MPP7: variants seen among roughly 807,000 people sequenced by gnomAD.
MPP7 encodes the protein MAGUK p55 subfamily member 7.
Under a neutral mutation model 76.5 loss-of-function variants are expected in MPP7, and 60 were observed. The ratio of observed to expected loss-of-function variants is 0.78; its 90% CI spans 0.64 to 0.97. MPP7 has a LOEUF of 0.97. Among genes scored for constraint, MPP7 ranks in the 50% least tolerant of loss-of-function variants. The pLI, the probability that MPP7 is intolerant of heterozygous loss-of-function variation, is 0.00. For missense variants in MPP7, 641 were observed against 694.0 expected, an observed-to-expected ratio of 0.92 and a Z score of 0.86; for synonymous variants, 237 against 244.5, an observed-to-expected ratio of 0.97 and a Z score of 0.29.
chr10:28,285,188 CCTTTT>C (rs1184408560), intron 1 of MPP7, among the ~76,000 whole-genome samples: 2 of 152,092 alleles, frequency 1.3e-5, no homozygotes, highest in African/African-American at 4.8e-5. Flanking sequence ...ATTTAACCTA[CCTTTT>C]CTTTTTTTGA....
At chr10:28,330,081 C>T (rs1834457750) in intron 1 of MPP7, 1 of 133,356 alleles carries the variant, frequency 7.5e-6, no homozygotes, top group Non-Finnish European at 1.6e-5. Context: ...CACATAGCAT[C>T]TACCAAACAC....
At chr10:28,303,438 G>C (rs1043022869), upstream of MPP7, 3 of 152,208 alleles carry the variant, frequency 2.0e-5, no homozygotes, top group African/African-American at 7.2e-5. Flanking sequence ...TTCTTAAGCC[G>C]CTGCGATTCT....
intron 3 of MPP7, among the ~76,000 whole-genome samples, chr10:28,185,105 G>A (rs1166412136): frequency 6.8e-6 from 1 of 147,824 alleles, no homozygotes. Flanking sequence ...GAGGCAGGTG[G>A]ATCACTTAAG....
At chr10:28,258,477 G>A (rs1042954257) in intron 1 of MPP7, among the ~76,000 whole-genome samples, 3 of 149,644 alleles carry the variant, frequency 2.0e-5, no homozygotes, top group South Asian at 2.1e-4. Context: ...TCAGCTCACT[G>A]AAACCTCAGC....
intron 11 of MPP7, chr10:28,118,518 A>T (rs1234546076): frequency 1.0e-6 from 1 of 985,222 alleles, no homozygotes; most frequent in Non-Finnish European, 1.2e-6. Flanking sequence ...AGAGCCAGTC[A>T]GGCAAGGAGC....
Position 28,100,005 on chromosome 10 carries a change from T to C in MPP7, c.953-10164A>G, listed in dbSNP as rs182826800. Among the ~76,000 whole-genome samples, 395 of 151,940 alleles carry C rather than the reference T, an allele frequency of 2.6e-3. 8 individuals carry two copies. The highest frequency in any genetic ancestry group is 0.024 in the Admixed American group (361 of 15,260). ...TTTTTTAAAATCATTGTATGAGTTA[T>C]TTTTTGCATCTTAAAAATCGGATTC... On this transcript the variant is annotated intron_variant, in intron 11 of 16. Coordinates refer to ENST00000683449, the MANE Select transcript of MPP7 (RefSeq NM_001318170.2).
chr10:28,228,692 C>T (rs1838778428), intron 2 of MPP7, among the ~76,000 whole-genome samples: 1 of 151,808 alleles, frequency 6.6e-6, no homozygotes, highest in Admixed American at 6.6e-5. Flanking sequence ...ACCCAAGAAG[C>T]AGAGGTTGCA....
chr10:28,283,287 T>C (rs1467384835), intron 1 of MPP7, among the ~76,000 whole-genome samples: 1 of 152,066 alleles, frequency 6.6e-6, no homozygotes, highest in Non-Finnish European at 1.5e-5. Flanking sequence ...GTTTGAATCC[T>C]GGCTCTACCA....
intron 3 of MPP7, among the ~76,000 whole-genome samples, chr10:28,167,517 A>C (rs1023209720): frequency 2.0e-5 from 3 of 152,182 alleles, no homozygotes; most frequent in African/African-American, 7.2e-5. Context: ...CCTATTGGAT[A>C]CTATGTTCAC....
intron 1 of MPP7, among the ~76,000 whole-genome samples, chr10:28,333,567 G>A (rs983338597): frequency 3.3e-5 from 5 of 152,148 alleles, no homozygotes; most frequent in African/African-American, 9.7e-5. Flanking sequence ...CAGATGTTCC[G>A]TTATGCAACG....
At chr10:28,078,278 T>C (rs181909462) in intron 12 of MPP7, among the ~76,000 whole-genome samples, 102 of 152,248 alleles carry the variant, frequency 6.7e-4, no homozygotes, top group African/African-American at 2.3e-3. Context: ...TAGGCAGAGA[T>C]TCAGGCTACA....
intron 2 of MPP7, among the ~76,000 whole-genome samples, chr10:28,208,280 C>A (rs1005887083): frequency 6.6e-6 from 1 of 152,128 alleles, no homozygotes; most frequent in African/African-American, 2.4e-5. Context: ...GTGCCTGGGA[C>A]TAGCAAGCAG....
Position 28,303,035 on chromosome 10 carries a change from C to T in MPP7, c.-306G>A, listed in dbSNP as rs1589043432. ...ACGCACGAGCCCAGTGGGAGCCCGG[C>T]CCCCGCCTCCAGCCCGGCTAGTAAC... On this transcript the variant is annotated 5_prime_UTR_variant, in exon 1 of 17. Coordinates refer to ENST00000683449, the MANE Select transcript of MPP7 (RefSeq NM_001318170.2). Among the ~76,000 whole-genome samples the T allele has an allele frequency of 2.0e-5, 3 of 150,082 alleles. No homozygotes were observed. The South Asian group carries it at 6.2e-4, about 31-fold the overall frequency.
chr10:28,072,164 C>T (rs1852268438), intron 12 of MPP7, among the ~76,000 whole-genome samples: 1 of 152,138 alleles, frequency 6.6e-6, no homozygotes, highest in Non-Finnish European at 1.5e-5. Flanking sequence ...GTCCCAGCTA[C>T]TCGGGAGGCT....
intron 2 of MPP7, among the ~76,000 whole-genome samples, chr10:28,216,494 C>T (rs10508737): frequency 0.037 from 5,572 of 152,226 alleles, 198 homozygotes; most frequent in African/African-American, 0.084. Context: ...AACTGAGACT[C>T]CAGGGAACCA....
intron 2 of MPP7, among the ~76,000 whole-genome samples, chr10:28,215,464 C>T (rs1172762824): frequency 2.6e-5 from 4 of 152,090 alleles, no homozygotes; most frequent in African/African-American, 9.7e-5. Context: ...GAGGTTGTTG[C>T]ACCAGGAAAA....
At chr10:28,118,682 T>C in intron 11 of MPP7, 3 of 985,386 alleles carry the variant, frequency 3.0e-6, no homozygotes, top group Non-Finnish European at 2.4e-6. Flanking sequence ...AGACTTAATG[T>C]AGCAAGGACA....
chr10:28,180,967 G>T (rs1199315130), intron 3 of MPP7, among the ~76,000 whole-genome samples: 1 of 152,212 alleles, frequency 6.6e-6, no homozygotes, highest in Non-Finnish European at 1.5e-5. Flanking sequence ...CAGCACTACT[G>T]CAGGATATAC....
chr10:28,253,493 CA>C (rs1332808607), intron 1 of MPP7, among the ~76,000 whole-genome samples: 12 of 152,178 alleles, frequency 7.9e-5, no homozygotes, highest in Non-Finnish European at 1.8e-4. Flanking sequence ...GGAAAAATAA[CA>C]AATCTGTGCT....
Sources: gnomAD v4.1 joint callset for allele counts (sites outside exome capture counted in the v4.1 genomes callset) on GRCh38, gnomAD v4.1.1 for gene constraint, MANE v1.5 for transcripts, NCBI Gene and HGNC (gene_info 2026-07-23, HGNC 2026-07-21) for gene names.